The following ERGIC1 variants were observed in gnomAD, a reference collection of about 807,000 sequenced individuals.
The protein encoded by ERGIC1 is endoplasmic reticulum-Golgi intermediate compartment protein 1.
ERGIC1 carries 19 observed loss-of-function variants against 38.3 expected under a neutral mutation model. The ratio of observed to expected loss-of-function variants is 0.50; its 90% CI spans 0.35 to 0.73. The LOEUF is 0.73. Ranked by LOEUF, ERGIC1 falls within the 30% of genes least tolerant of loss-of-function variation. The pLI is 0.01. For synonymous variants in ERGIC1, 124 were observed against 157.6 expected, an observed-to-expected ratio of 0.79 and a Z score of 1.60; for missense variants, 294 against 389.2, an observed-to-expected ratio of 0.76 and a Z score of 2.06.
At chr5:172,944,094 AC>A (rs1764067843) in intron 9 of ERGIC1, among the ~76,000 whole-genome samples, 1 of 152,174 alleles carries the variant, frequency 6.6e-6, no homozygotes, top group African/African-American at 2.4e-5. Flanking sequence ...CTGCCCTCAG[AC>A]TCACTGGGGC....
intron 3 of ERGIC1, among the ~76,000 whole-genome samples, chr5:172,901,744 T>C (rs1762885639): frequency 6.6e-6 from 1 of 152,102 alleles, no homozygotes; most frequent in Non-Finnish European, 1.5e-5. Flanking sequence ...ACTACAGGCA[T>C]GAGCCACCAT....
At chr5:172,848,161 C>T (rs1415520152) in intron 1 of ERGIC1, among the ~76,000 whole-genome samples, 1 of 152,136 alleles carries the variant, frequency 6.6e-6, no homozygotes. Context: ...CATTTAACCA[C>T]CAGGGAAGTA....
intron 1 of ERGIC1, among the ~76,000 whole-genome samples, chr5:172,884,802 G>T (rs934813931): frequency 2.0e-4 from 31 of 152,182 alleles, no homozygotes; most frequent in African/African-American, 7.2e-4. Flanking sequence ...GCTAGGAAAT[G>T]TATGTATATA....
chr5:172,861,948 G>T (rs793014), intron 1 of ERGIC1, among the ~76,000 whole-genome samples: 144,160 of 152,234 alleles, frequency 0.95, 68,584 homozygotes, highest in East Asian at 1. Flanking sequence ...GGAAAGTTTA[G>T]AAATTCCTGC....
rs976486572 is a variant in ERGIC1 at position 172,834,301 on chromosome 5, G to A, written c.-113G>A. 1.5e-5 allele frequency: 16 copies of A among 1,041,216 alleles called. No homozygotes were observed. In the African/African-American group the frequency reaches 2.5e-4, roughly 17 times the overall value. 64.5% of individuals were successfully genotyped at this position (1,041,216 alleles called of 1,614,324 possible). On this transcript the variant is annotated 5_prime_UTR_variant, in exon 1 of 10. Coordinates refer to ENST00000393784, the MANE Select transcript of ERGIC1 (RefSeq NM_001031711.3). The surrounding 1 kb of genome is among the most constrained non-coding windows in gnomAD (Gnocchi z 4.1). ...GCGAGTGGCGAGTGGCGAGTGTCAG[G>A]GGGGCGGCCGGCGGGGGCGGGGCGG...
intron 6 of ERGIC1, among the ~76,000 whole-genome samples, chr5:172,925,440 C>T (rs567800680): frequency 7.2e-5 from 11 of 152,238 alleles, no homozygotes; most frequent in African/African-American, 2.6e-4. Context: ...ATTGCAGTTC[C>T]TTCCAGTTGT....
chr5:172,849,549 T>C (rs558826921), intron 1 of ERGIC1, among the ~76,000 whole-genome samples: 1 of 152,204 alleles, frequency 6.6e-6, no homozygotes, highest in Non-Finnish European at 1.5e-5. Flanking sequence ...GTGTGTGCTC[T>C]AGGGATCATT....
At chr5:172,912,679 G>A (rs143066104) in intron 4 of ERGIC1, among the ~76,000 whole-genome samples, 8,916 of 152,224 alleles carry the variant, frequency 0.059, 272 homozygotes, top group South Asian at 0.12. Flanking sequence ...GAGCCACCGC[G>A]CCCAGCCAAG....
At chr5:172,884,442 A>G (rs558746016) in intron 1 of ERGIC1, among the ~76,000 whole-genome samples, 4 of 152,052 alleles carry the variant, frequency 2.6e-5, no homozygotes, top group South Asian at 2.1e-4. Context: ...GTTTGTAGAG[A>G]TGAGGTCTTG....
chr5:172,921,977 T>C (rs1037421066), intron 5 of ERGIC1, among the ~76,000 whole-genome samples: 4 of 152,230 alleles, frequency 2.6e-5, no homozygotes, highest in Non-Finnish European at 5.9e-5. Context: ...ACCCCCATGG[T>C]CTGCAAATTC....
At chr5:172,885,753 C>G (rs1020085193) in intron 1 of ERGIC1, among the ~76,000 whole-genome samples, 8 of 151,804 alleles carry the variant, frequency 5.3e-5, no homozygotes, top group Non-Finnish European at 1.2e-4. Flanking sequence ...ATGCCCTCCC[C>G]ACTGGCCCAG....
chr5:172,867,103 G>A lies in ERGIC1; in HGVS notation c.21-21596G>A, dbSNP rs182309194. 6.3e-5 allele frequency: 28 copies of A among 444,136 alleles called. No individual in the cohort carries two copies. In the East Asian group the frequency reaches 1.9e-3, roughly 31 times the overall value. The allele number at this position is 444,136 out of a possible 1,614,324, so 27.5% of individuals were successfully genotyped here. ...GCAGAGTCTTTGCAGACCTTGGCTT[G>A]GCTTCAGGCTGTGGGGGCTCTGCAA... On this transcript the variant is annotated intron_variant, in intron 1 of 9. Transcript: ENST00000393784.
At chr5:172,920,900 T>G (rs7717884) in intron 5 of ERGIC1, among the ~76,000 whole-genome samples, 53,770 of 152,166 alleles carry the variant, frequency 0.35, 9,930 homozygotes, top group Non-Finnish European at 0.41. Flanking sequence ...AGTCTGACTG[T>G]GTCTCATGAC....
intron 1 of ERGIC1, among the ~76,000 whole-genome samples, chr5:172,844,898 A>T (rs1276318983): frequency 6.6e-6 from 1 of 152,212 alleles, no homozygotes; most frequent in African/African-American, 2.4e-5. Flanking sequence ...TCCCAGGGCT[A>T]TGCTGTGACA....
intron 1 of ERGIC1, among the ~76,000 whole-genome samples, chr5:172,838,599 T>A (rs968805092): frequency 1.3e-5 from 2 of 151,802 alleles, no homozygotes; most frequent in Admixed American, 6.6e-5. Context: ...AATTCCTTTT[T>A]AAAAAAAAAT....
intron 3 of ERGIC1, among the ~76,000 whole-genome samples, chr5:172,903,279 A>C (rs572764944): frequency 6.6e-6 from 1 of 152,170 alleles, no homozygotes; most frequent in East Asian, 1.9e-4. Flanking sequence ...GACAGACGCA[A>C]CTGGACCCCT....
Position 172,926,472 on chromosome 5 carries a change from G to A in ERGIC1, c.481-37G>A, listed in dbSNP as rs775763124. On this transcript the variant is annotated intron_variant, in intron 6 of 9. Coordinates refer to ENST00000393784, the MANE Select transcript of ERGIC1 (RefSeq NM_001031711.3). The surrounding 1 kb of genome is among the most constrained non-coding windows in gnomAD (Gnocchi z 5.2). ...CAGGGCCAGGCCTGGAGGTGGAGGT[G>A]TCCTGGGGACCATCCCCTCACTGCA... is the stretch of plus-strand genomic sequence containing the variant. 4 of 1,613,202 alleles carry A rather than the reference G, an allele frequency of 2.5e-6. No homozygotes were observed. Among genetic ancestry groups the A allele is most frequent in the Non-Finnish European group, 3.4e-6 (4 of 1,179,560 alleles).
At chr5:172,925,279 A>T (rs1763625054) in intron 6 of ERGIC1, among the ~76,000 whole-genome samples, 1 of 152,160 alleles carries the variant, frequency 6.6e-6, no homozygotes, top group African/African-American at 2.4e-5. Context: ...GTACAAATAA[A>T]TGTGAGATAA....
chr5:172,842,618 A>G (rs1176814937), intron 1 of ERGIC1, among the ~76,000 whole-genome samples: 1 of 152,166 alleles, frequency 6.6e-6, no homozygotes, highest in Non-Finnish European at 1.5e-5. Flanking sequence ...TGGCTGCACT[A>G]TCTTTCCTCC....
Sources: gnomAD v4.1 joint callset for allele counts (sites outside exome capture counted in the v4.1 genomes callset) on GRCh38, gnomAD v4.1.1 for gene constraint, Gnocchi (gnomAD v3.1) non-coding constraint, MANE v1.5 for transcripts, NCBI Gene and HGNC (gene_info 2026-07-23, HGNC 2026-07-21) for gene names.